Variants in CHD8 observed in about 807,000 individuals in gnomAD.
The protein encoded by CHD8 is ATP-dependent chromatin remodeler CHD8.
In CHD8, 31 loss-of-function variants were observed where a neutral mutation model predicts 279.2. The ratio of observed to expected loss-of-function variants is 0.11; its 90% CI spans 0.08 to 0.15. The LOEUF (loss-of-function observed/expected upper bound fraction) is 0.15. CHD8 is among the 10% of genes least tolerant of loss of function. CHD8 has a pLI of 1.00. For synonymous variants in CHD8, 1,081 were observed against 1,139.6 expected (o/e 0.95, Z 1.04); for missense variants, 2,146 against 3,230.5 (o/e 0.66, Z 8.14).
At chr14:21,455,844 C>T (rs535640569) in intron 1 of CHD8, among the ~76,000 whole-genome samples, 188 bp downstream of exon 1, 1 of 152,262 alleles carries the variant, frequency 6.6e-6, no homozygotes, top group South Asian at 2.1e-4. Context: ...CACCCTCTCC[C>T]CCGGCCTCTC....
At chr14:21,434,746 G>A (rs1248747569) in intron 1 of CHD8, among the ~76,000 whole-genome samples, 1 of 151,956 alleles carries the variant, frequency 6.6e-6, no homozygotes, top group Non-Finnish European at 1.5e-5. Context: ...ATATTTTTAT[G>A]CTAGTTTCCT....
intron 5 of CHD8, among the ~76,000 whole-genome samples, chr14:21,419,408 A>G (rs1035291955): frequency 5.3e-5 from 8 of 152,124 alleles, no homozygotes; most frequent in African/African-American, 1.9e-4. Context: ...AAAATATAAA[A>G]AATCACCTGG....
In CHD8 at chr14:21,408,231, T is replaced by C. The variant is rs535848845; in HGVS notation, c.2730+81A>G. 38 of 1,491,144 alleles carry C rather than the reference T, an allele frequency of 2.5e-5. No individual in the cohort carries two copies. The highest frequency in any genetic ancestry group is 2.1e-4 in the African/African-American group (15 of 72,060). The allele number at this position is 1,491,144 out of a possible 1,614,324, so 92.4% of individuals were successfully genotyped here. On this transcript the variant is annotated intron_variant, in intron 13 of 37. Transcript: ENST00000646647. The surrounding 1 kb of genome is among the most constrained non-coding windows in gnomAD (Gnocchi z 4.3). The stretch of plus-strand genomic sequence containing the variant: ...TTGAAGACTTTCAATAAAAGTCTTC[T>C]ATTCATATATAGCCCTTAAAATACC...
intron 5 of CHD8, among the ~76,000 whole-genome samples, chr14:21,417,522 C>A (rs1482280732): frequency 6.6e-6 from 1 of 152,058 alleles, no homozygotes; most frequent in African/African-American, 2.4e-5. Context: ...TCAAGACCAG[C>A]CTGGGCAACA....
chr14:21,387,179 T>C (rs1887287404), intron 37 of CHD8, among the ~76,000 whole-genome samples: 1 of 152,192 alleles, frequency 6.6e-6, no homozygotes, highest in Non-Finnish European at 1.5e-5. Context: ...CTAGATTCAC[T>C]GTCAATTCTA....
chr14:21,438,600 C>T (rs992048797), intron 1 of CHD8, among the ~76,000 whole-genome samples: 9 of 149,716 alleles, frequency 6.0e-5, no homozygotes, highest in Admixed American at 3.3e-4. Context: ...TTTGGGAGAG[C>T]GAGGCGGGCA....
At chr14:21,432,498 A>G in intron 1 of CHD8, among the ~76,000 whole-genome samples, 1 of 152,226 alleles carries the variant, frequency 6.6e-6, no homozygotes, top group East Asian at 1.9e-4. Flanking sequence ...AAAAAAGGTC[A>G]ATTGCAAGGG....
chr14:21,391,793 C>A (rs1566410450), intron 35 of CHD8, 40 bp downstream of exon 35: 1 of 1,550,786 alleles, frequency 6.4e-7, no homozygotes, highest in Non-Finnish European at 8.9e-7. Context: ...AATAAAAAGA[C>A]AATCTAATCG....
chr14:21,437,285 GC>G (rs1889826412), intron 1 of CHD8: 1 of 1,137,280 alleles, frequency 8.8e-7, no homozygotes, highest in African/African-American at 1.6e-5. Flanking sequence ...TGATGCTCCT[GC>G]CCGCCCCGCG....
intron 1 of CHD8, among the ~76,000 whole-genome samples, chr14:21,432,301 A>G (rs774892637): frequency 8.5e-5 from 13 of 152,162 alleles, no homozygotes; most frequent in Non-Finnish European, 1.8e-4. Flanking sequence ...CTTGTGTTTT[A>G]TATATTTTTA....
chr14:21,400,389 ATAAAG>A lies in CHD8; in HGVS notation c.4570+19_4570+23del, dbSNP rs774146044. On this transcript the variant is annotated intron_variant, in intron 23 of 37. Transcript: ENST00000646647. The surrounding 1 kb of genome is among the most constrained non-coding windows in gnomAD (Gnocchi z 4.2). ...GGATTAGATTAACCTATAGAAAAACATAAAGTAAAGAGTTGATAATTACCTGAATG... is the reference window on the plus strand; with the variant it reads ...GGATTAGATTAACCTATAGAAAAACATAAAGAGTTGATAATTACCTGAATG... 1.1e-5 allele frequency: 18 copies of A among 1,597,794 alleles called. No homozygotes were observed. Among genetic ancestry groups the A allele is most frequent in the East Asian group, 1.1e-4 (5 of 44,836 alleles).
chr14:21,388,215 A>G (rs1195032015), intron 37 of CHD8, among the ~76,000 whole-genome samples: 1 of 152,252 alleles, frequency 6.6e-6, no homozygotes, highest in Non-Finnish European at 1.5e-5. Flanking sequence ...TTTTGTTAAA[A>G]GATATTCCAT....
Position 21,391,687 on chromosome 14 carries a change from G to A in CHD8, c.6886-45C>T, listed in dbSNP as rs183152768. 1.2e-5 allele frequency: 18 copies of A among 1,539,162 alleles called. No homozygotes were observed. The African/African-American group carries it at 1.9e-4, about 16-fold the overall frequency. ...CCCCATGAGCACATACTCTTCTTTG[G>A]GGGAGGGAGGGAGGGGGAGCAGGGC... is the stretch of plus-strand genomic sequence containing the variant. On this transcript the variant is annotated intron_variant, in intron 35 of 37. Coordinates refer to ENST00000646647, the MANE Select transcript of CHD8 (RefSeq NM_001170629.2).
In CHD8 at chr14:21,403,290, C is replaced by T. The variant is rs944369780; in HGVS notation, c.3519-78G>A. On this transcript the variant is annotated intron_variant, in intron 17 of 37. Coordinates refer to ENST00000646647, the MANE Select transcript of CHD8 (RefSeq NM_001170629.2). The surrounding 1 kb of genome is among the most constrained non-coding windows in gnomAD (Gnocchi z 4.3). ...CAAAACAGCAGGCTAGGATCAATACCAGTACTCCCATATCAAAGCTGGTCA... is the reference window on the plus strand; with the variant it reads ...CAAAACAGCAGGCTAGGATCAATACTAGTACTCCCATATCAAAGCTGGTCA... 1 of 1,407,438 alleles carries T rather than the reference C, an allele frequency of 7.1e-7. No individual in the cohort carries two copies. Among genetic ancestry groups the T allele is most frequent in the Non-Finnish European group, 9.8e-7 (1 of 1,021,658 alleles). The allele number at this position is 1,407,438 out of a possible 1,614,324, so 87.2% of individuals were successfully genotyped here. A position where few individuals can be genotyped will look rare whatever the true frequency, so the allele number is the denominator to read the frequency against.
intron 1 of CHD8, chr14:21,436,809 G>T (rs1247707498): frequency 9.0e-6 from 4 of 443,502 alleles, no homozygotes; most frequent in Non-Finnish European, 1.6e-5. Flanking sequence ...CTGCACTCAT[G>T]AAAAAAGGGA....
Position 21,405,210 on chromosome 14 carries a change from A to G in CHD8, c.3306T>C (p.Asn1102=). The change falls in exon 16 of 38, where the codon AAT becomes AAC. Residue 1102 remains asparagine (N), a splice_region_variant and synonymous_variant. Coordinates refer to ENST00000646647, the MANE Select transcript of CHD8 (RefSeq NM_001170629.2). This position sits in a 1 kb window ranked among gnomAD's most constrained non-coding sequence, Gnocchi z 4.2. ...GGTATATACCAAGCATTCCCTCACC[A>G]TTGATGAGATATGGGTGGTTGCAGC... The part of the protein sequence containing the change: ...RKCCNHPYLI[N]GAEEKILTEF... 1 of 1,613,714 alleles carries G rather than the reference A, an allele frequency of 6.2e-7. No homozygotes were observed. Among genetic ancestry groups the G allele is most frequent in the Non-Finnish European group, 8.5e-7 (1 of 1,179,748 alleles).
chr14:21,401,092 G>A (rs377106104), intron 21 of CHD8, 21 bp from the exon 22 acceptor site: 3 of 1,537,410 alleles, frequency 2.0e-6, no homozygotes, highest in Non-Finnish European at 2.6e-6. Context: ...AACAGAAGGA[G>A]AAGTAATTCT....
At chr14:21,432,053 C>T (rs1889587380) in intron 1 of CHD8, among the ~76,000 whole-genome samples, 195 bp from the exon 2 acceptor site, 1 of 152,118 alleles carries the variant, frequency 6.6e-6, no homozygotes, top group Admixed American at 6.5e-5. Context: ...AAGAGAAAAA[C>T]AATAACAACC....
chr14:21,410,624 T>C (rs1328909238), intron 10 of CHD8, among the ~76,000 whole-genome samples: 1 of 152,250 alleles, frequency 6.6e-6, no homozygotes, highest in Non-Finnish European at 1.5e-5. Context: ...GAAGGGGCAG[T>C]GACCAATGGT....
Sources: allele counts gnomAD v4.1 joint callset (sites outside exome capture counted in the v4.1 genomes callset), GRCh38; gene constraint gnomAD v4.1.1; non-coding constraint Gnocchi (gnomAD v3.1); transcripts MANE v1.5; gene names NCBI Gene and HGNC (gene_info 2026-07-23, HGNC 2026-07-21).